ASIC2: variants seen among roughly 807,000 people sequenced by gnomAD.
ASIC2 encodes the protein acid sensing ion channel subunit 2.
In ASIC2, 25 loss-of-function variants were observed where a neutral mutation model predicts 57.3. The observed-to-expected ratio is 0.44, with a 90% CI of 0.32 to 0.61. ASIC2 has a LOEUF of 0.61. ASIC2 is among the 20% of genes least tolerant of loss of function. The pLI, the probability that ASIC2 is intolerant of heterozygous loss-of-function variation, is 0.06. For synonymous variants in ASIC2, 319 were observed against 307.5 expected (o/e 1.04, Z -0.39); for missense variants, 641 against 738.1 (o/e 0.87, Z 1.52).
intron 1 of ASIC2, among the ~76,000 whole-genome samples, chr17:34,154,498 GCA>G (rs1254087343): frequency 6.6e-6 from 1 of 152,154 alleles, no homozygotes; most frequent in African/African-American, 2.4e-5. Context: ...CAGAGTTCTA[GCA>G]CACAGACTGC....
At chr17:33,648,749 A>G (rs1031909126) in intron 1 of ASIC2, among the ~76,000 whole-genome samples, 12 of 152,252 alleles carry the variant, frequency 7.9e-5, no homozygotes, top group African/African-American at 2.7e-4. Context: ...TGATTCATCC[A>G]CATAACTGTG....
chr17:33,134,012 G>A (rs755316098), intron 1 of ASIC2, among the ~76,000 whole-genome samples: 60 of 152,174 alleles, frequency 3.9e-4, no homozygotes, highest in Non-Finnish European at 6.9e-4. Context: ...CTCTGTGCTT[G>A]ATTGAGGGAC....
At chr17:33,531,461 T>A (rs1915049272) in intron 1 of ASIC2, among the ~76,000 whole-genome samples, 1 of 152,184 alleles carries the variant, frequency 6.6e-6, no homozygotes, top group South Asian at 2.1e-4. Context: ...GCGTTCGACC[T>A]TGCAGAGGCC....
intron 3 of ASIC2, among the ~76,000 whole-genome samples, chr17:33,082,646 CAG>C (rs1367579837): frequency 1.3e-5 from 2 of 151,926 alleles, no homozygotes; most frequent in African/African-American, 4.8e-5. Flanking sequence ...TTGCAGTGAG[CAG>C]AGATTGCACC....
chr17:34,053,096 T>A (rs931720524), intron 1 of ASIC2, among the ~76,000 whole-genome samples: 9 of 152,134 alleles, frequency 5.9e-5, no homozygotes, highest in African/African-American at 2.2e-4. Flanking sequence ...TGCCCTTTAT[T>A]CCACTCCCTT....
Position 33,482,070 on chromosome 17 carries a change from T to C in ASIC2, c.556-370003A>G, listed in dbSNP as rs117110443. ...TCTGCTGCTCTGGTCTCTCCTCTCA[T>C]GTGGTTTCCTCCTCCAGTCCTCTCT... On this transcript the variant is annotated intron_variant, in intron 1 of 9. Transcript: ENST00000359872. 8.5e-4 allele frequency among the ~76,000 whole-genome samples: 129 copies of C among 152,366 alleles called. 1 individual carries two copies. In the East Asian group the frequency reaches 0.023, roughly 28 times the overall value.
At chr17:33,760,749 T>C (rs1022956230) in intron 1 of ASIC2, among the ~76,000 whole-genome samples, 9 of 152,106 alleles carry the variant, frequency 5.9e-5, no homozygotes, top group Admixed American at 2.0e-4. Context: ...ACAGAACTTA[T>C]TTACTTTGAT....
chr17:33,139,940 GC>G (rs1232433847), intron 1 of ASIC2, among the ~76,000 whole-genome samples: 1 of 152,220 alleles, frequency 6.6e-6, no homozygotes, highest in Non-Finnish European at 1.5e-5. Context: ...AACACGTTTT[GC>G]CCCATCTACC....
intron 1 of ASIC2, among the ~76,000 whole-genome samples, chr17:33,288,434 T>C (rs1597667297): frequency 6.6e-6 from 1 of 151,868 alleles, no homozygotes; most frequent in Non-Finnish European, 1.5e-5. Context: ...CTTGAGTATA[T>C]GGTATGAGGG....
intron 1 of ASIC2, among the ~76,000 whole-genome samples, chr17:33,228,989 A>G (rs1907988643): frequency 6.6e-6 from 1 of 152,222 alleles, no homozygotes; most frequent in Non-Finnish European, 1.5e-5. Context: ...GTACCCAGAT[A>G]TGCTCAGCAA....
chr17:33,142,689 C>G (rs1904368251), intron 1 of ASIC2, among the ~76,000 whole-genome samples: 2 of 152,202 alleles, frequency 1.3e-5, no homozygotes, highest in Admixed American at 6.5e-5. Context: ...AGACTCAGTT[C>G]CATGACCACA....
chr17:33,737,327 T>C (rs983772752), intron 1 of ASIC2, among the ~76,000 whole-genome samples: 1 of 152,242 alleles, frequency 6.6e-6, no homozygotes, highest in African/African-American at 2.4e-5. Context: ...CCCTGGTTTG[T>C]TCTGTTGAAT....
chr17:33,107,734 T>A (rs954165458), intron 2 of ASIC2, among the ~76,000 whole-genome samples: 1 of 152,238 alleles, frequency 6.6e-6, no homozygotes, highest in African/African-American at 2.4e-5. Context: ...ACTTACTCCT[T>A]GGTGTCCTCT....
rs557055787 is a variant in ASIC2 at position 33,611,263 on chromosome 17, A to G, written c.556-499196T>C. Among the ~76,000 whole-genome samples, 8 of 152,252 alleles carry G rather than the reference A, an allele frequency of 5.3e-5. No homozygotes were observed. In the East Asian group the frequency reaches 1.5e-3, roughly 29 times the overall value. On this transcript the variant is annotated intron_variant, in intron 1 of 9. Transcript: ENST00000359872. ...TGTGCTGGATGGTGGATGACTGGCCATTAAAAAGTACTGGTTTTGGCTCCA... is the reference window on the plus strand; with the variant it reads ...TGTGCTGGATGGTGGATGACTGGCCGTTAAAAAGTACTGGTTTTGGCTCCA...
intron 1 of ASIC2, chr17:34,000,895 C>T (rs973519291): frequency 3.3e-5 from 5 of 152,038 alleles, no homozygotes; most frequent in African/African-American, 1.2e-4. Flanking sequence ...TACTGTGTTT[C>T]TCAGCTCCAG....
rs113433283 is a variant in ASIC2 at position 33,377,164 on chromosome 17, C to A, written c.556-265097G>T. 5.7e-3 allele frequency among the ~76,000 whole-genome samples: 874 copies of A among 152,192 alleles called. 4 individuals carry two copies. The highest frequency in any genetic ancestry group is 0.019 in the African/African-American group (805 of 41,530). On this transcript the variant is annotated intron_variant, in intron 1 of 9. Transcript: ENST00000359872. ...CTCCTGGGTTCAAGTGATTCTCCTG[C>A]CTTAGACTCCTGAGTAGCTGGGACT...
intron 1 of ASIC2, among the ~76,000 whole-genome samples, chr17:33,547,146 G>A (rs557656426): frequency 6.6e-6 from 1 of 152,216 alleles, no homozygotes; most frequent in Admixed American, 6.5e-5. Flanking sequence ...CCAGGGTGAC[G>A]CTGCTGCTGT....
intron 1 of ASIC2, among the ~76,000 whole-genome samples, chr17:33,671,164 A>G (rs900650294): frequency 9.2e-5 from 14 of 152,130 alleles, no homozygotes; most frequent in African/African-American, 3.4e-4. Flanking sequence ...TTTCAAGTGG[A>G]TGTCCCATTT....
At chr17:34,121,337 A>T (rs1911614710) in intron 1 of ASIC2, among the ~76,000 whole-genome samples, 1 of 152,096 alleles carries the variant, frequency 6.6e-6, no homozygotes, top group African/African-American at 2.4e-5. Context: ...TGCACCCACT[A>T]TCCTTCCAAA....
Sources: gnomAD v4.1 joint callset for allele counts (sites outside exome capture counted in the v4.1 genomes callset) on GRCh38, gnomAD v4.1.1 for gene constraint, MANE v1.5 for transcripts, NCBI Gene and HGNC (gene_info 2026-07-23, HGNC 2026-07-21) for gene names.